Variants in KLF12 observed in about 807,000 individuals in gnomAD.
KLF12 encodes KLF transcription factor 12.
KLF12 carries 9 observed loss-of-function variants against 37.8 expected under a neutral mutation model. That is an observed-to-expected ratio of 0.24 (90% CI 0.14 to 0.42). The LOEUF is 0.42. Ranked by LOEUF, KLF12 falls within the 10% of genes least tolerant of loss-of-function variation. The pLI, the probability that KLF12 is intolerant of heterozygous loss-of-function variation, is 1.00. For synonymous variants in KLF12, 208 were observed against 202.1 expected (o/e 1.03, Z -0.25); for missense variants, 411 against 516.0 (o/e 0.80, Z 1.97).
At chr13:73,948,178 C>T (rs115718251) in intron 2 of KLF12, among the ~76,000 whole-genome samples, 1 of 152,182 alleles carries the variant, frequency 6.6e-6, no homozygotes, top group African/African-American at 2.4e-5. Context: ...GACATATGAA[C>T]AGTCAAGATT....
At chr13:74,284,220 T>G in the KLF12 span, among the ~76,000 whole-genome samples, 1 of 152,082 alleles carries the variant, frequency 6.6e-6, no homozygotes, top group Admixed American at 6.6e-5. Flanking sequence ...ATCTATGATC[T>G]TATAGTGAGT....
intron 1 of KLF12, among the ~76,000 whole-genome samples, chr13:74,125,632 C>T (rs1877899081): frequency 6.6e-6 from 1 of 152,166 alleles, no homozygotes; most frequent in South Asian, 2.1e-4. Flanking sequence ...ATTACCACTG[C>T]TGCAGAACAT....
At chr13:74,011,557 CA>C (rs1892552629) in intron 1 of KLF12, among the ~76,000 whole-genome samples, 1 of 152,074 alleles carries the variant, frequency 6.6e-6, no homozygotes, top group Non-Finnish European at 1.5e-5. Flanking sequence ...CAATTAACTG[CA>C]GATCAAAAAT....
intron 1 of KLF12, among the ~76,000 whole-genome samples, chr13:74,064,723 G>A (rs1386784654): frequency 6.6e-6 from 1 of 152,188 alleles, no homozygotes; most frequent in Non-Finnish European, 1.5e-5. Context: ...AGGCTGAGTA[G>A]TTTGTGATGC....
chr13:74,193,971 T>C, the KLF12 span, among the ~76,000 whole-genome samples: 400 of 152,330 alleles, frequency 2.6e-3, 1 homozygote, highest in African/African-American at 9.0e-3. Context: ...TGGATGGTGA[T>C]CTTTTGTTTT....
intron 3 of KLF12, among the ~76,000 whole-genome samples, chr13:73,901,039 A>G (rs1453692565): frequency 1.3e-5 from 2 of 152,114 alleles, no homozygotes; most frequent in Non-Finnish European, 2.9e-5. Flanking sequence ...AGAGAAATAG[A>G]CCTCTGTAAA....
At chr13:74,247,711 A>G in the KLF12 span, among the ~76,000 whole-genome samples, 3 of 152,118 alleles carry the variant, frequency 2.0e-5, no homozygotes, top group African/African-American at 7.2e-5. Flanking sequence ...CCTTCAAGCA[A>G]TCCTCCCACC....
chr13:74,203,241 G>A, the KLF12 span, among the ~76,000 whole-genome samples: 3 of 152,016 alleles, frequency 2.0e-5, no homozygotes, highest in Non-Finnish European at 4.4e-5. Flanking sequence ...TGATCTGGCT[G>A]GAGATTAGAC....
rs186520392 is a variant in KLF12 at position 74,074,874 on chromosome 13, G to C, written c.-32+58865C>G. 5.6e-4 allele frequency among the ~76,000 whole-genome samples: 86 copies of C among 152,282 alleles called. 1 individual carries two copies. Among genetic ancestry groups the C allele is most frequent in the Admixed American group, 1.2e-3 (18 of 15,298 alleles). On this transcript the variant is annotated intron_variant, in intron 1 of 7. Coordinates refer to ENST00000377669, the MANE Select transcript of KLF12 (RefSeq NM_007249.5). Reference sequence around the variant, plus strand: ...ATGAGGAAGTGACAGATAATGCTTGGACTGTTCCTGGATATCAAAAAGGCA... The same window carrying C: ...ATGAGGAAGTGACAGATAATGCTTGCACTGTTCCTGGATATCAAAAAGGCA...
the KLF12 span, among the ~76,000 whole-genome samples, chr13:74,293,638 AGATGGCATCCAGCTTAC>A: frequency 6.6e-6 from 1 of 152,210 alleles, no homozygotes; most frequent in Non-Finnish European, 1.5e-5. Context: ...GGACTATATA[AGATGGCATCCAGCTTAC>A]GTAAGCATTA....
At chr13:73,754,930 T>A (rs779028817) in intron 6 of KLF12, among the ~76,000 whole-genome samples, 1,997 of 151,888 alleles carry the variant, frequency 0.013, 21 homozygotes, top group South Asian at 0.039. Flanking sequence ...GTTCTTCACA[T>A]GGTTGCCTTT....
At chr13:73,783,373 A>G (rs372194899) in intron 5 of KLF12, among the ~76,000 whole-genome samples, 191 of 152,220 alleles carry the variant, frequency 1.3e-3, no homozygotes, top group Non-Finnish European at 2.4e-3. Context: ...ATGGGTACAA[A>G]CAAACATAAA....
At chr13:74,006,222 C>G (rs1308012504) in intron 1 of KLF12, among the ~76,000 whole-genome samples, 1 of 152,140 alleles carries the variant, frequency 6.6e-6, no homozygotes, top group Non-Finnish European at 1.5e-5. Context: ...TAACCTGCAC[C>G]TGGAAAATTC....
rs1438014979 is a variant in KLF12 at position 73,846,274 on chromosome 13, A to G, written c.223T>C (p.Phe75Leu). ...TCCACTGGCTCAGTTTGTGTTTGGA[A>G]GTGATCTACAGATAACGAGTCCTCC... Residue 75 changes from phenylalanine (F) to leucine (L), a missense_variant, in exon 4 of 8, where the codon TTC (phenylalanine) becomes CTC (leucine). Around this residue, in one of 2 missense-constraint regions of KLF12, gnomAD observed 351 missense variants for 397.8 expected, o/e 0.88. Coordinates refer to ENST00000377669, the MANE Select transcript of KLF12 (RefSeq NM_007249.5). 1 of 1,614,044 alleles carries G rather than the reference A, an allele frequency of 6.2e-7. No homozygotes were observed.
intron 1 of KLF12, among the ~76,000 whole-genome samples, chr13:74,086,852 T>C (rs952320871): frequency 3.3e-5 from 5 of 152,152 alleles, no homozygotes; most frequent in African/African-American, 1.2e-4. Flanking sequence ...TAAAGTAAGC[T>C]AGAGAAAATA....
chr13:74,274,261 G>A, the KLF12 span, among the ~76,000 whole-genome samples: 1 of 152,032 alleles, frequency 6.6e-6, no homozygotes, highest in Non-Finnish European at 1.5e-5. Flanking sequence ...GCCACTTCCA[G>A]ATGGCACTTA....
chr13:73,954,116 C>T (rs1890750337), intron 2 of KLF12, among the ~76,000 whole-genome samples: 1 of 151,550 alleles, frequency 6.6e-6, no homozygotes, highest in South Asian at 2.1e-4. Context: ...GCAGCTGGGA[C>T]TACAGGCACC....
chr13:73,721,807 C>T (rs1876283155), intron 6 of KLF12, among the ~76,000 whole-genome samples: 1 of 87,302 alleles, frequency 1.1e-5, no homozygotes, highest in African/African-American at 3.4e-5. Context: ...CCCACTTCGG[C>T]GTCCCAGTGT....
chr13:73,763,858 A>C (rs1244480329), intron 6 of KLF12, among the ~76,000 whole-genome samples: 2 of 152,130 alleles, frequency 1.3e-5, no homozygotes, highest in Admixed American at 1.3e-4. Context: ...GCTCTGAGGC[A>C]AGGTGTAAGC....
Sources: allele counts gnomAD v4.1 joint callset (sites outside exome capture counted in the v4.1 genomes callset), GRCh38; gene constraint gnomAD v4.1.1; regional missense constraint gnomAD v4.1.1; transcripts MANE v1.5; gene names NCBI Gene and HGNC (gene_info 2026-07-23, HGNC 2026-07-21).